The following LGSN variants were observed in gnomAD, a reference collection of about 807,000 sequenced individuals.
LGSN encodes the protein lengsin, lens protein with glutamine synthetase domain.
LGSN carries 21 observed loss-of-function variants against 19.5 expected under a neutral mutation model. That is an observed-to-expected ratio of 1.07 (90% CI 0.76 to 1.55). The LOEUF is 1.55. Ranked by LOEUF, LGSN falls within the 40% of genes most tolerant of loss-of-function variation. LGSN has a pLI of 0.00. For missense variants in LGSN, 673 were observed against 608.5 expected, an observed-to-expected ratio of 1.11 and a Z score of -1.12; for synonymous variants, 257 against 215.6, an observed-to-expected ratio of 1.19 and a Z score of -1.68.
chr6:63,281,172 T>A lies in LGSN; in HGVS notation c.379A>T (p.Ile127Leu). 3 of 1,613,092 alleles carry A rather than the reference T, an allele frequency of 1.9e-6. No homozygotes were observed. The highest frequency in any genetic ancestry group is 2.5e-6 in the Non-Finnish European group (3 of 1,179,456). Residue 127 changes from isoleucine to leucine, a missense_variant, in exon 4 of 4, where the codon ATA (isoleucine) becomes TTA (leucine). By Grantham distance (5) the Ile-to-Leu change is conservative (BLOSUM62 2). Transcript: ENST00000370657. ...VCMPRGYLEV[I>L]PNPKDNEMNN... ...ATTTCATTGTCCTTTGGATTTGGTATCACTTCAAGATAACCTCGGGGCATG... is the reference window on the plus strand; with the variant it reads ...ATTTCATTGTCCTTTGGATTTGGTAACACTTCAAGATAACCTCGGGGCATG...
intron 1 of LGSN, among the ~76,000 whole-genome samples, chr6:63,306,086 C>A (rs886653620): frequency 6.6e-6 from 1 of 152,048 alleles, no homozygotes; most frequent in Non-Finnish European, 1.5e-5. Context: ...AAAATAAAGT[C>A]TTTAAAATAA....
chr6:63,416,962 T>C, the LGSN span, among the ~76,000 whole-genome samples: 2 of 149,064 alleles, frequency 1.3e-5, no homozygotes, highest in African/African-American at 5.1e-5. Flanking sequence ...CACACACATT[T>C]AACGAAAGTC....
the LGSN span, among the ~76,000 whole-genome samples, chr6:63,359,937 G>C: frequency 2.0e-5 from 3 of 152,134 alleles, no homozygotes; most frequent in Non-Finnish European, 2.9e-5. Context: ...ACTTTAGCTG[G>C]ATATGAAATT....
chr6:63,386,921 T>C, the LGSN span, among the ~76,000 whole-genome samples: 1 of 152,046 alleles, frequency 6.6e-6, no homozygotes, highest in African/African-American at 2.4e-5. Context: ...ACCAATATGG[T>C]GAAACCTCGT....
the LGSN span, among the ~76,000 whole-genome samples, chr6:63,508,784 T>A: frequency 8.4e-4 from 128 of 151,786 alleles, no homozygotes; most frequent in Middle Eastern, 0.01. Context: ...GCGGGCGTGG[T>A]GGTGCATGCC....
chr6:63,332,119 G>T, the LGSN span, among the ~76,000 whole-genome samples: 1 of 152,172 alleles, frequency 6.6e-6, no homozygotes, highest in Non-Finnish European at 1.5e-5. Flanking sequence ...ATTAGTCTGA[G>T]GAGGGATCCT....
chr6:63,487,979 C>CAA, the LGSN span, among the ~76,000 whole-genome samples: 16 of 147,482 alleles, frequency 1.1e-4, no homozygotes, highest in African/African-American at 3.5e-4. Flanking sequence ...GACCCCATCT[C>CAA]AAAAAAATAA....
At chr6:63,444,716 C>A in the LGSN span, among the ~76,000 whole-genome samples, 6 of 152,264 alleles carry the variant, frequency 3.9e-5, no homozygotes, top group Admixed American at 1.3e-4. Context: ...CTGTCTGACC[C>A]CTTCTTTTAC....
At position 63,276,060 on chromosome 6, in the gene LGSN, A is replaced by C. The variant is rs1408924471; in HGVS notation, c.*3961T>G. 6.6e-6 allele frequency: 1 copy of C among 152,236 alleles called. No individual in the cohort carries two copies. Among genetic ancestry groups the C allele is most frequent in the African/African-American group, 2.4e-5 (1 of 41,464 alleles). The allele number at this position is 152,236 out of a possible 1,614,324, so 9.4% of individuals were successfully genotyped here. On this transcript the variant is annotated 3_prime_UTR_variant, in exon 4 of 4. Coordinates refer to ENST00000370657, the MANE Select transcript of LGSN (RefSeq NM_016571.3). ...AGCATGAGAAGAGCTTTAACAGGGAAGGCACTGTGCACATAGGTAATGTTT... is the reference window on the plus strand; with the variant it reads ...AGCATGAGAAGAGCTTTAACAGGGACGGCACTGTGCACATAGGTAATGTTT...
chr6:63,532,681 A>G, the LGSN span, among the ~76,000 whole-genome samples: 6 of 152,212 alleles, frequency 3.9e-5, no homozygotes, highest in Non-Finnish European at 8.8e-5. Flanking sequence ...GAAGTTGGAG[A>G]GTGAAACAAA....
the LGSN span, among the ~76,000 whole-genome samples, chr6:63,418,022 C>T: frequency 6.6e-6 from 1 of 151,826 alleles, no homozygotes; most frequent in East Asian, 1.9e-4. Context: ...GGAGATAAAC[C>T]CCCAAACAAC....
At chr6:63,365,249 G>C in the LGSN span, among the ~76,000 whole-genome samples, 1 of 152,138 alleles carries the variant, frequency 6.6e-6, no homozygotes, top group South Asian at 2.1e-4. Context: ...ATGTGAGAAA[G>C]GGGATATCAC....
chr6:63,517,263 C>G, the LGSN span, among the ~76,000 whole-genome samples: 2 of 151,964 alleles, frequency 1.3e-5, no homozygotes, highest in Non-Finnish European at 2.9e-5. Flanking sequence ...GGGTGCCTAT[C>G]AAAGAATAGA....
intron 3 of LGSN, among the ~76,000 whole-genome samples, chr6:63,282,933 A>G (rs1452969432): frequency 6.6e-6 from 1 of 152,182 alleles, no homozygotes; most frequent in Non-Finnish European, 1.5e-5. Context: ...TCTGTATATT[A>G]GTTCTTTACA....
chr6:63,539,295 T>C, the LGSN span, among the ~76,000 whole-genome samples: 2 of 152,216 alleles, frequency 1.3e-5, no homozygotes, highest in East Asian at 3.8e-4. Flanking sequence ...AGTAATTCAA[T>C]AAGTATACTT....
chr6:63,483,154 A>T, the LGSN span, among the ~76,000 whole-genome samples: 6 of 152,230 alleles, frequency 3.9e-5, no homozygotes, highest in Admixed American at 3.9e-4. Flanking sequence ...TAGCTAAACC[A>T]TAGGGACATT....
chr6:63,571,329 AAAT>A, the LGSN span: 1 of 152,228 alleles, frequency 6.6e-6, no homozygotes, highest in South Asian at 2.1e-4. Context: ...TACTCGGTGA[AAAT>A]AACAAACAAA....
the LGSN span, among the ~76,000 whole-genome samples, chr6:63,544,099 A>C: frequency 6.6e-6 from 1 of 152,062 alleles, no homozygotes; most frequent in African/African-American, 2.4e-5. Flanking sequence ...GGTATGCCCT[A>C]ATTCTACTTA....
the LGSN span, among the ~76,000 whole-genome samples, chr6:63,503,751 C>A: frequency 2.0e-4 from 31 of 152,056 alleles, no homozygotes; most frequent in African/African-American, 7.5e-4. Flanking sequence ...CCCGCCTCTA[C>A]TAAAAATACA....
Sources: allele counts gnomAD v4.1 joint callset (sites outside exome capture counted in the v4.1 genomes callset), GRCh38; gene constraint gnomAD v4.1.1; transcripts MANE v1.5; gene names NCBI Gene and HGNC (gene_info 2026-07-23, HGNC 2026-07-21).